CALN1: variants seen among roughly 807,000 people sequenced by gnomAD.
The protein encoded by CALN1 is calneuron 1.
In CALN1, 17 loss-of-function variants were observed where a neutral mutation model predicts 30.6. The observed-to-expected ratio is 0.56, with a 90% CI of 0.38 to 0.83. The LOEUF is 0.83. Ranked by LOEUF, CALN1 falls within the 40% of genes least tolerant of loss-of-function variation. The pLI is 0.00. For synonymous variants in CALN1, 156 were observed against 131.4 expected, an observed-to-expected ratio of 1.19 and a Z score of -1.28; for missense variants, 291 against 354.9, an observed-to-expected ratio of 0.82 and a Z score of 1.45.
chr7:72,080,310 CA>C (rs1423387919), intron 4 of CALN1, among the ~76,000 whole-genome samples: 5 of 152,170 alleles, frequency 3.3e-5, no homozygotes, highest in African/African-American at 1.2e-4. Flanking sequence ...GTGGATTTGG[CA>C]GCTGTTCTCC....
chr7:72,023,599 G>T, intron 5 of CALN1, 58 bp downstream of exon 5: 1 of 1,280,812 alleles, frequency 7.8e-7, no homozygotes, highest in Non-Finnish European at 1.1e-6. Context: ...TCAGTCAAAA[G>T]TTAGTCTCAG....
intron 5 of CALN1, among the ~76,000 whole-genome samples, chr7:71,935,732 A>C (rs1376257304): frequency 6.6e-6 from 1 of 152,132 alleles, no homozygotes; most frequent in African/African-American, 2.4e-5. Flanking sequence ...AAAAAACAGA[A>C]ACAAAAAACA....
the CALN1 span, among the ~76,000 whole-genome samples, chr7:72,501,926 A>AT: frequency 1.4e-3 from 115 of 79,456 alleles, 7 homozygotes; most frequent in East Asian, 4.9e-3. Context: ...AAAAAAAAAA[A>AT]AAATATATAT....
At chr7:72,391,964 G>T (rs1312134961) in intron 2 of CALN1, among the ~76,000 whole-genome samples, 1 of 152,150 alleles carries the variant, frequency 6.6e-6, no homozygotes, top group African/African-American at 2.4e-5. Context: ...AATCTAAGAG[G>T]ATTTGCACTG....
chr7:72,033,420 C>T (rs559482878), intron 4 of CALN1, among the ~76,000 whole-genome samples: 14 of 152,164 alleles, frequency 9.2e-5, no homozygotes, highest in African/African-American at 1.9e-4. Context: ...AAGCATAAGG[C>T]GCAGCTTAGC....
At position 72,385,641 on chromosome 7, in the gene CALN1, T is replaced by C. The variant is rs1283102410; in HGVS notation, c.119+17610A>G. Among the ~76,000 whole-genome samples the C allele has an allele frequency of 8.5e-5, 13 of 152,334 alleles. No homozygotes were observed. In the East Asian group the frequency reaches 2.5e-3, roughly 29 times the overall value. Reference sequence around the variant, plus strand: ...CCACCCAATGCTCATCTGGAATTCTTATCCCAAGCTGTCAAGGGAGTAACT... The same window carrying C: ...CCACCCAATGCTCATCTGGAATTCTCATCCCAAGCTGTCAAGGGAGTAACT... On this transcript the variant is annotated intron_variant, in intron 2 of 6. Coordinates refer to ENST00000395275, the MANE Select transcript of CALN1 (RefSeq NM_031468.4).
chr7:72,133,648 G>A, intron 3 of CALN1, among the ~76,000 whole-genome samples: 1 of 152,126 alleles, frequency 6.6e-6, no homozygotes, highest in East Asian at 1.9e-4. Context: ...ATTACAAAGG[G>A]GGAAAGAGCC....
At chr7:72,056,363 A>G (rs1184536719) in intron 4 of CALN1, among the ~76,000 whole-genome samples, 1 of 152,188 alleles carries the variant, frequency 6.6e-6, no homozygotes, top group East Asian at 1.9e-4. Flanking sequence ...TAAGTAGGAG[A>G]TAAACAAAAC....
At chr7:72,299,606 C>G (rs1246997620) in intron 2 of CALN1, among the ~76,000 whole-genome samples, 2 of 146,064 alleles carry the variant, frequency 1.4e-5, no homozygotes, top group African/African-American at 5.1e-5. Context: ...ACTGGAAAGA[C>G]AAAGAATTAA....
intron 3 of CALN1, among the ~76,000 whole-genome samples, chr7:72,209,306 T>C (rs1448380364): frequency 4.4e-4 from 19 of 43,146 alleles, no homozygotes; most frequent in East Asian, 7.9e-3. Context: ...CCCTCTTTCC[T>C]TCCCTCCTTC....
At chr7:72,373,746 A>G (rs1184472306) in intron 2 of CALN1, among the ~76,000 whole-genome samples, 1 of 152,238 alleles carries the variant, frequency 6.6e-6, no homozygotes, top group Non-Finnish European at 1.5e-5. Flanking sequence ...AAGCGTCTGT[A>G]TGTAAATCTA....
intron 6 of CALN1, among the ~76,000 whole-genome samples, chr7:71,801,462 A>ATCTG (rs1584248918): frequency 6.6e-6 from 1 of 151,520 alleles, no homozygotes; most frequent in East Asian, 1.9e-4. Flanking sequence ...CTATCTATCT[A>ATCTG]TCTATCTATC....
intron 3 of CALN1, among the ~76,000 whole-genome samples, chr7:72,253,351 G>A (rs916959909): frequency 6.6e-6 from 1 of 152,158 alleles, no homozygotes; most frequent in African/African-American, 2.4e-5. Flanking sequence ...TGTGAGTCAA[G>A]GTGTGATTCT....
chr7:72,413,294 TAC>T (rs745879071), upstream of CALN1, among the ~76,000 whole-genome samples: 39 of 147,026 alleles, frequency 2.7e-4, no homozygotes, highest in Middle Eastern at 4.2e-3. Flanking sequence ...ACACCACATG[TAC>T]ACACACACGT....
intron 3 of CALN1, among the ~76,000 whole-genome samples, chr7:72,202,707 C>G (rs1221000146): frequency 2.6e-5 from 4 of 152,132 alleles, no homozygotes; most frequent in Non-Finnish European, 4.4e-5. Flanking sequence ...AAATAACATG[C>G]TTGGCTGTTT....
intron 3 of CALN1, among the ~76,000 whole-genome samples, chr7:72,151,342 CTGTG>C (rs1404900332): frequency 2.6e-5 from 4 of 152,054 alleles, no homozygotes; most frequent in Admixed American, 2.6e-4. Context: ...AATGTTCTTC[CTGTG>C]TGTGTCTCTG....
chr7:72,457,765 T>TG, the CALN1 span, among the ~76,000 whole-genome samples: 2 of 151,032 alleles, frequency 1.3e-5, no homozygotes, highest in Non-Finnish European at 3.0e-5. Context: ...TTCTTTTTTT[T>TG]TTTTTTTTGA....
intron 4 of CALN1, among the ~76,000 whole-genome samples, chr7:72,042,765 G>C (rs1224030914): frequency 1.3e-5 from 2 of 152,094 alleles, no homozygotes; most frequent in East Asian, 3.9e-4. Context: ...ACTCCCAAAA[G>C]GAAAAAGGGT....
At chr7:71,798,615 CT>C (rs34161533) in intron 6 of CALN1, among the ~76,000 whole-genome samples, 355 of 114,824 alleles carry the variant, frequency 3.1e-3, no homozygotes, top group Middle Eastern at 5.4e-3. Flanking sequence ...TGGTAAGAGT[CT>C]TTTTTTTTTT....
Sources: allele counts gnomAD v4.1 joint callset (sites outside exome capture counted in the v4.1 genomes callset), GRCh38; gene constraint gnomAD v4.1.1; transcripts MANE v1.5; gene names NCBI Gene and HGNC (gene_info 2026-07-23, HGNC 2026-07-21).